PTGR1: variants seen among roughly 807,000 people sequenced by gnomAD.
PTGR1 encodes the protein prostaglandin reductase 1, also known as 15-oxoprostaglandin 13-reductase.
PTGR1 carries 23 observed loss-of-function variants against 37.7 expected under a neutral mutation model. That is an observed-to-expected ratio of 0.61 (90% CI 0.44 to 0.86). The LOEUF (loss-of-function observed/expected upper bound fraction) is 0.86. Among genes scored for constraint, PTGR1 ranks in the 40% least tolerant of loss-of-function variants. The pLI is 0.00. For synonymous variants in PTGR1, 134 were observed against 140.0 expected (o/e 0.96, Z 0.30); for missense variants, 351 against 394.3 (o/e 0.89, Z 0.93).
At chr9:111,573,892 C>T (rs1287158229) in intron 8 of PTGR1, among the ~76,000 whole-genome samples, 1 of 152,022 alleles carries the variant, frequency 6.6e-6, no homozygotes, top group Non-Finnish European at 1.5e-5. Context: ...GGGAATGGAG[C>T]GCATGGCAGG....
intron 9 of PTGR1, among the ~76,000 whole-genome samples, chr9:111,555,954 A>T (rs1391642070): frequency 6.6e-6 from 1 of 152,146 alleles, no homozygotes; most frequent in East Asian, 1.9e-4. Flanking sequence ...TCTAGCATTA[A>T]CTCAAAAGTC....
chr9:111,576,313 T>C, intron 7 of PTGR1: 1 of 1,603,996 alleles, frequency 6.2e-7, no homozygotes, highest in Non-Finnish European at 8.5e-7. Context: ...TGCTAAAATT[T>C]TATTTGTAAC....
intron 9 of PTGR1, among the ~76,000 whole-genome samples, chr9:111,553,557 C>T (rs1377144580): frequency 6.6e-6 from 1 of 152,044 alleles, no homozygotes; most frequent in Admixed American, 6.5e-5. Flanking sequence ...AAAAAAAAAT[C>T]ATCTGAACTC....
chr9:111,563,406 T>C, intron 9 of PTGR1, 175 bp from the exon 10 acceptor site: 1 of 546,170 alleles, frequency 1.8e-6, no homozygotes, highest in Non-Finnish European at 3.1e-6. Flanking sequence ...ACTTACACAG[T>C]ACATGTAAAA....
chr9:111,578,386 G>C (rs572887280), intron 7 of PTGR1, among the ~76,000 whole-genome samples: 2 of 152,176 alleles, frequency 1.3e-5, no homozygotes, highest in South Asian at 2.1e-4. Flanking sequence ...CATAGAATCA[G>C]TGGGTGAGTT....
chr9:111,597,408 C>G lies in PTGR1; in HGVS notation c.15G>C (p.Lys5Asn). Residue 5 changes from lysine to asparagine, a missense_variant, in exon 2 of 10, where the codon AAG (lysine) becomes AAC (asparagine). Transcript: ENST00000407693. MVRT[K>N]TWTLKKHFVG... is the part of the protein sequence containing the mutation. ...CAAAGTGCTTCTTCAGGGTCCATGT[C>G]TTAGTACGAACCATCCTGAAGCTCC... 1.2e-6 allele frequency: 2 copies of G among 1,612,128 alleles called. No individual in the cohort carries two copies. Among genetic ancestry groups the G allele is most frequent in the Non-Finnish European group, 1.7e-6 (2 of 1,178,902 alleles).
intron 9 of PTGR1, among the ~76,000 whole-genome samples, chr9:111,555,563 A>G (rs939923769): frequency 6.6e-6 from 1 of 152,242 alleles, no homozygotes; most frequent in African/African-American, 2.4e-5. Flanking sequence ...ACTGACTCAC[A>G]GTTCCGCAGG....
intron 7 of PTGR1, chr9:111,576,831 C>T (rs1183281196): frequency 6.5e-6 from 1 of 154,890 alleles, no homozygotes; most frequent in Non-Finnish European, 1.4e-5. Flanking sequence ...TGGCTCATGC[C>T]TATAATCCCA....
chr9:111,559,620 T>TA (rs1828217799), downstream of PTGR1, among the ~76,000 whole-genome samples: 2 of 149,602 alleles, frequency 1.3e-5, no homozygotes, highest in Non-Finnish European at 3.0e-5. Flanking sequence ...ATATACAACA[T>TA]ACATATATAA....
chr9:111,578,793 T>G lies in PTGR1; in HGVS notation c.651+3A>C. 6.2e-7 allele frequency: 1 copy of G among 1,600,994 alleles called. No homozygotes were observed. Among genetic ancestry groups the G allele is most frequent in the Non-Finnish European group, 8.5e-7 (1 of 1,174,672 alleles). ...TTAGATATTAAGTCCAGTTTGTACT[T>G]ACATTATCAAAATAACAATCATAAC... On this transcript the variant is annotated splice_donor_region_variant and intron_variant, in intron 7 of 9. Transcript: ENST00000407693.
chr9:111,562,420 C>T (rs770807680), downstream of PTGR1, among the ~76,000 whole-genome samples: 3 of 151,924 alleles, frequency 2.0e-5, no homozygotes, highest in Non-Finnish European at 2.9e-5. Context: ...GGATTACAGG[C>T]ATGTGCCACC....
chr9:111,553,247 TTCA>T (rs1287728743), intron 9 of PTGR1, among the ~76,000 whole-genome samples: 1 of 152,236 alleles, frequency 6.6e-6, no homozygotes, highest in Non-Finnish European at 1.5e-5. Context: ...GCAATTGCCA[TTCA>T]TCATTAAATG....
At chr9:111,569,326 G>A in intron 9 of PTGR1, among the ~76,000 whole-genome samples, 1 of 152,162 alleles carries the variant, frequency 6.6e-6, no homozygotes, top group East Asian at 1.9e-4. Context: ...AGAGTCTGAG[G>A]AGGACCAATC....
chr9:111,553,743 G>A lies in PTGR1; in HGVS notation c.880-3944C>T, dbSNP rs748753810. 7.9e-5 allele frequency among the ~76,000 whole-genome samples: 12 copies of A among 152,346 alleles called. No homozygotes were observed. In the South Asian group the frequency reaches 2.1e-3, roughly 26 times the overall value. ...GTTTAGTGGAAAAGTATTTGACTCT[G>A]CTTCTGTTTTTAAAATTGTGAAATG... On this transcript the variant is annotated intron_variant, in intron 9 of 9. Transcript: ENST00000538962.
At chr9:111,594,328 A>C (rs2132441059) in intron 2 of PTGR1, 61 bp from the exon 3 acceptor site, 2 of 1,412,698 alleles carry the variant, frequency 1.4e-6, no homozygotes, top group East Asian at 4.6e-5. Context: ...AACAATAGAC[A>C]CTGAGCACCA....
rs1032102168 is a variant in PTGR1, at chr9:111,563,419, GA to G, written c.880-189del. ...CCACTTACACAGTACATGTAAAAAAGATTACAAAGTACACCTAAGAAGAAAT... is the reference window on the plus strand; with the variant it reads ...CCACTTACACAGTACATGTAAAAAAGTTACAAAGTACACCTAAGAAGAAAT... On this transcript the variant is annotated intron_variant, in intron 9 of 9. Coordinates refer to ENST00000407693, the MANE Select transcript of PTGR1 (RefSeq NM_001146108.2). The G allele has an allele frequency of 1.2e-5, 6 of 501,470 alleles. No homozygotes were observed. The East Asian group carries it at 1.8e-4, about 15-fold the overall frequency. 31.1% of individuals were successfully genotyped at this position (501,470 alleles called of 1,614,324 possible). A position where few individuals can be genotyped will look rare whatever the true frequency, so the allele number is the denominator to read the frequency against.
At chr9:111,587,370 C>T (rs902420059) in intron 4 of PTGR1, among the ~76,000 whole-genome samples, 1 of 152,176 alleles carries the variant, frequency 6.6e-6, no homozygotes, top group Non-Finnish European at 1.5e-5. Flanking sequence ...TCTAATCTGA[C>T]AGCACAAAGA....
At chr9:111,561,126 G>T (rs1828293518), downstream of PTGR1, among the ~76,000 whole-genome samples, 1 of 59,976 alleles carries the variant, frequency 1.7e-5, no homozygotes, top group African/African-American at 1.0e-4. Flanking sequence ...GAGAGAGAGA[G>T]AGAGAGAGAG....
At chr9:111,570,938 AGAG>A (rs1828791454) in intron 8 of PTGR1, among the ~76,000 whole-genome samples, 1 of 152,096 alleles carries the variant, frequency 6.6e-6, no homozygotes, top group Non-Finnish European at 1.5e-5. Context: ...GAGATGAGAG[AGAG>A]GAGGAGGAGG....
Sources: allele counts gnomAD v4.1 joint callset (sites outside exome capture counted in the v4.1 genomes callset), GRCh38; gene constraint gnomAD v4.1.1; transcripts MANE v1.5; gene names NCBI Gene and HGNC (gene_info 2026-07-23, HGNC 2026-07-21).